The following SYNPO2 variants were observed in gnomAD, a reference collection of about 807,000 sequenced individuals.
The protein encoded by SYNPO2 is synaptopodin-2.
A neutral mutation model predicts 85.0 loss-of-function variants in SYNPO2; 56 were observed. The observed-to-expected ratio is 0.66, with a 90% confidence interval of 0.53 to 0.82. SYNPO2 has a LOEUF of 0.82. Among genes scored for constraint, SYNPO2 ranks in the 40% least tolerant of loss-of-function variants. SYNPO2 has a pLI of 0.00. For synonymous variants in SYNPO2, 602 were observed against 591.1 expected, an observed-to-expected ratio of 1.02 and a Z score of -0.27; for missense variants, 1,575 against 1,534.2, an observed-to-expected ratio of 1.03 and a Z score of -0.44.
chr4:118,927,776 T>TGATAGATAGATAGATAGATAGATAGATA (rs70944822), intron 1 of SYNPO2, among the ~76,000 whole-genome samples: 35 of 102,648 alleles, frequency 3.4e-4, no homozygotes, highest in East Asian at 8.7e-4. Flanking sequence ...GATAGATAGA[T>TGATAGATAGATAGATAGATAGATAGATA]GATAGATAGA....
At chr4:118,892,117 T>A (rs1236009183) in intron 1 of SYNPO2, among the ~76,000 whole-genome samples, 3 of 152,212 alleles carry the variant, frequency 2.0e-5, no homozygotes, top group Non-Finnish European at 2.9e-5. Context: ...CTGAGATATG[T>A]TCAAACATGT....
At chr4:119,020,357 A>G (rs10518312) in intron 1 of SYNPO2, among the ~76,000 whole-genome samples, 20,223 of 152,188 alleles carry the variant, frequency 0.13, 1,712 homozygotes, top group Middle Eastern at 0.22. Flanking sequence ...GACTCTTACC[A>G]TGATGCACTG....
chr4:119,017,228 G>T (rs912409445), intron 1 of SYNPO2, among the ~76,000 whole-genome samples: 2 of 152,144 alleles, frequency 1.3e-5, no homozygotes, highest in Admixed American at 1.3e-4. Context: ...ATGATTTGTA[G>T]AACTGAATCC....
intron 1 of SYNPO2, among the ~76,000 whole-genome samples, chr4:119,001,896 C>A (rs1736837041): frequency 6.6e-6 from 1 of 151,810 alleles, no homozygotes; most frequent in Admixed American, 6.6e-5. Flanking sequence ...TGTGTGATTT[C>A]TTGATTTTTC....
Position 119,031,462 on chromosome 4 carries a change from A to G in SYNPO2, c.2687A>G (p.His896Arg), listed in dbSNP as rs752575486. The stretch of plus-strand genomic sequence containing the variant: ...GTCGATTCAGACACGGTGCAGGCCC[A>G]CGCTGCTCGAGCTCAGTCTCCCACT... ...YVVDSDTVQA[H>R]AARAQSPTPS... is the part of the protein sequence containing the mutation. Residue 896 changes from histidine (H) to arginine (R), a missense_variant, in exon 4 of 5, where the codon CAC becomes CGC. By Grantham distance (29) the His-to-Arg change is conservative. Transcript: ENST00000307142. 9.3e-6 allele frequency: 15 copies of G among 1,613,976 alleles called. No individual in the cohort carries two copies. In the Admixed American group the frequency reaches 1.0e-4, roughly 11 times the overall value.
At chr4:118,988,927 T>C (rs1300470172) in intron 1 of SYNPO2, among the ~76,000 whole-genome samples, 2 of 152,108 alleles carry the variant, frequency 1.3e-5, no homozygotes, top group Non-Finnish European at 2.9e-5. Context: ...GATGAAAACT[T>C]CTCTGGAAGA....
chr4:118,870,917 T>A (rs1731788031), intron 1 of SYNPO2, among the ~76,000 whole-genome samples: 1 of 152,154 alleles, frequency 6.6e-6, no homozygotes, highest in Admixed American at 6.5e-5. Flanking sequence ...AAAAAGCAGA[T>A]GTTTAAAAAA....
intron 1 of SYNPO2, among the ~76,000 whole-genome samples, chr4:119,002,113 C>A (rs1473258909): frequency 2.0e-5 from 3 of 152,138 alleles, no homozygotes; most frequent in African/African-American, 7.2e-5. Context: ...TTTTTCCTTT[C>A]CTGCATAAAT....
At chr4:118,948,925 C>T (rs867999499) in intron 1 of SYNPO2, among the ~76,000 whole-genome samples, 12 of 152,204 alleles carry the variant, frequency 7.9e-5, no homozygotes, top group African/African-American at 2.4e-4. Context: ...AGTTGCTCCT[C>T]TGTGCTCAGT....
At chr4:119,032,538 C>T in intron 4 of SYNPO2, 1 of 1,000,942 alleles carries the variant, frequency 1.0e-6, no homozygotes, top group South Asian at 4.3e-5. Flanking sequence ...GGACAGGGAG[C>T]AGCTCTGGTC....
intron 1 of SYNPO2, among the ~76,000 whole-genome samples, chr4:118,871,323 T>G (rs1200975486): frequency 6.6e-6 from 1 of 151,958 alleles, no homozygotes; most frequent in Admixed American, 6.6e-5. Flanking sequence ...AGTGCTGGAA[T>G]TACAGGAGTG....
intron 1 of SYNPO2, among the ~76,000 whole-genome samples, chr4:118,860,552 C>T (rs1731590680): frequency 8.8e-6 from 1 of 114,120 alleles, no homozygotes; most frequent in East Asian, 2.4e-4. Context: ...CCTCTTTTGC[C>T]TTTTTTTTTG....
At chr4:118,949,850 G>C (rs1469498187) in intron 1 of SYNPO2, among the ~76,000 whole-genome samples, 1 of 152,064 alleles carries the variant, frequency 6.6e-6, no homozygotes, top group Non-Finnish European at 1.5e-5. Flanking sequence ...TCATTACCCT[G>C]CACTTTTTTT....
chr4:119,036,248 G>A, intron 4 of SYNPO2: 1 of 985,394 alleles, frequency 1.0e-6, no homozygotes, highest in Non-Finnish European at 1.2e-6. Context: ...GGGAAGTCGT[G>A]GGGCGTGTGC....
chr4:118,915,700 A>G (rs1733294682), intron 1 of SYNPO2, among the ~76,000 whole-genome samples: 1 of 152,146 alleles, frequency 6.6e-6, no homozygotes, highest in Non-Finnish European at 1.5e-5. Flanking sequence ...ATACCCAGGA[A>G]TGGAATTGCT....
intron 1 of SYNPO2, among the ~76,000 whole-genome samples, chr4:118,909,132 C>T (rs1733047250): frequency 6.6e-6 from 1 of 152,058 alleles, no homozygotes; most frequent in South Asian, 2.1e-4. Flanking sequence ...CTCATATGTA[C>T]CCTCGAACAT....
intron 1 of SYNPO2, among the ~76,000 whole-genome samples, chr4:118,939,101 A>T (rs781640345): frequency 1.1e-4 from 16 of 152,212 alleles, no homozygotes; most frequent in Non-Finnish European, 1.8e-4. Flanking sequence ...GAGGCACCGA[A>T]TTTAAAATAG....
At chr4:118,879,013 G>A (rs180723823) in intron 1 of SYNPO2, among the ~76,000 whole-genome samples, 14 of 152,274 alleles carry the variant, frequency 9.2e-5, no homozygotes, top group African/African-American at 3.4e-4. Context: ...GCGAGACCAT[G>A]AACCCACAGG....
chr4:119,022,550 C>A, intron 1 of SYNPO2, among the ~76,000 whole-genome samples: 1 of 103,136 alleles, frequency 9.7e-6, no homozygotes, highest in Non-Finnish European at 1.8e-5. Flanking sequence ...GAGACAGGGT[C>A]TTACCATATT....
Sources: allele counts gnomAD v4.1 joint callset (sites outside exome capture counted in the v4.1 genomes callset), GRCh38; gene constraint gnomAD v4.1.1; transcripts MANE v1.5; gene names NCBI Gene and HGNC (gene_info 2026-07-23, HGNC 2026-07-21).